The following GNA14 variants were observed in gnomAD, a reference collection of about 807,000 sequenced individuals.
GNA14 encodes the protein G protein subunit alpha 14.
GNA14 carries 50 observed loss-of-function variants against 42.0 expected under a neutral mutation model. The observed-to-expected ratio is 1.19, with a 90% CI of 0.95 to 1.51. GNA14 has a LOEUF of 1.51. Ranked by LOEUF, GNA14 falls within the 40% of genes most tolerant of loss-of-function variation. The pLI is 0.00. For missense variants in GNA14, 473 were observed against 446.2 expected, an observed-to-expected ratio of 1.06 and a Z score of -0.54; for synonymous variants, 173 against 163.1, an observed-to-expected ratio of 1.06 and a Z score of -0.46.
intron 1 of GNA14, among the ~76,000 whole-genome samples, chr9:77,558,353 G>C (rs1187510643): frequency 1.3e-5 from 2 of 152,128 alleles, no homozygotes; most frequent in African/African-American, 4.8e-5. Flanking sequence ...CAGTTACTAA[G>C]TTTAGATGGC....
intron 2 of GNA14, among the ~76,000 whole-genome samples, chr9:77,485,689 G>T (rs780349891): frequency 1.3e-5 from 2 of 152,038 alleles, no homozygotes; most frequent in Non-Finnish European, 2.9e-5. Context: ...ACAATGTTTT[G>T]TTAGCAACCA....
intron 1 of GNA14, among the ~76,000 whole-genome samples, chr9:77,540,343 A>C (rs772802069): frequency 6.6e-6 from 1 of 152,114 alleles, no homozygotes; most frequent in East Asian, 1.9e-4. Flanking sequence ...AAATAACAGT[A>C]TAATTTTGAT....
chr9:77,561,504 A>G (rs1822883213), intron 1 of GNA14, among the ~76,000 whole-genome samples: 1 of 152,244 alleles, frequency 6.6e-6, no homozygotes, highest in Non-Finnish European at 1.5e-5. Flanking sequence ...ATATACATAC[A>G]ATAGAATTTC....
intron 1 of GNA14, 61 bp downstream of exon 1, chr9:77,647,609 G>A: frequency 5.1e-6 from 8 of 1,561,950 alleles, no homozygotes; most frequent in Non-Finnish European, 6.9e-6. Context: ...CCAGTGGAGA[G>A]GCCGGGAGGG....
At chr9:77,595,487 G>A (rs770342619) in intron 1 of GNA14, among the ~76,000 whole-genome samples, 2 of 152,092 alleles carry the variant, frequency 1.3e-5, no homozygotes, top group African/African-American at 2.4e-5. Flanking sequence ...AGAGGAAACC[G>A]GAGGTTATTT....
chr9:77,457,074 G>A (rs1002999299), intron 2 of GNA14, among the ~76,000 whole-genome samples: 5 of 152,146 alleles, frequency 3.3e-5, no homozygotes, highest in Admixed American at 3.3e-4. Context: ...CAAGACCCAG[G>A]GTGCTTACTT....
chr9:77,618,044 A>G (rs1341872410), intron 1 of GNA14, among the ~76,000 whole-genome samples: 1 of 152,110 alleles, frequency 6.6e-6, no homozygotes, highest in African/African-American at 2.4e-5. Flanking sequence ...TAAAGACACC[A>G]TAAGACCAGG....
chr9:77,574,446 A>T (rs531777660), intron 1 of GNA14, among the ~76,000 whole-genome samples: 14 of 152,364 alleles, frequency 9.2e-5, no homozygotes, highest in African/African-American at 2.6e-4. Context: ...TACAGACAGT[A>T]GTTTATAGCT....
intron 2 of GNA14, among the ~76,000 whole-genome samples, chr9:77,482,114 C>T (rs1836564792): frequency 6.6e-6 from 1 of 152,146 alleles, no homozygotes; most frequent in African/African-American, 2.4e-5. Flanking sequence ...GGTTATTTTG[C>T]TCATTAGTTG....
intron 2 of GNA14, among the ~76,000 whole-genome samples, chr9:77,515,872 A>T (rs1837246203): frequency 6.9e-6 from 1 of 144,046 alleles, no homozygotes; most frequent in African/African-American, 2.6e-5. Flanking sequence ...AAGTGGGAGG[A>T]TTGCTTAAGC....
At chr9:77,532,157 G>A (rs1182100248) in intron 1 of GNA14, among the ~76,000 whole-genome samples, 1 of 152,088 alleles carries the variant, frequency 6.6e-6, no homozygotes, top group African/African-American at 2.4e-5. Context: ...AAATCAGAAA[G>A]ATTAAATTGG....
Position 77,609,280 on chromosome 9 carries a change from T to C in GNA14, c.124+38390A>G, listed in dbSNP as rs145236731. ...CAGTTTCCTCCAGTTTCTAATAACC[T>C]GTTTCTCATTTCCTTCTGAGACCTC... On this transcript the variant is annotated intron_variant, in intron 1 of 6. Transcript: ENST00000341700. 3.3e-5 allele frequency among the ~76,000 whole-genome samples: 5 copies of C among 152,338 alleles called. No individual in the cohort carries two copies. In the East Asian group the frequency reaches 9.6e-4, roughly 29 times the overall value.
chr9:77,610,763 A>G (rs910755414), intron 1 of GNA14, among the ~76,000 whole-genome samples: 3 of 152,186 alleles, frequency 2.0e-5, no homozygotes, highest in Non-Finnish European at 2.9e-5. Flanking sequence ...AATATTACAG[A>G]CTAGAACAGA....
intron 1 of GNA14, among the ~76,000 whole-genome samples, chr9:77,609,217 A>G (rs1441539045): frequency 6.6e-6 from 1 of 152,268 alleles, no homozygotes; most frequent in East Asian, 1.9e-4. Flanking sequence ...ACACAAACAC[A>G]ATGCAATCTA....
chr9:77,520,437 C>T (rs190794496), intron 2 of GNA14, among the ~76,000 whole-genome samples: 183 of 152,314 alleles, frequency 1.2e-3, no homozygotes, highest in African/African-American at 4.2e-3. Flanking sequence ...TGAAGGACTT[C>T]GGATCTAACG....
chr9:77,429,301 A>AAG (rs1835506896), intron 4 of GNA14, among the ~76,000 whole-genome samples: 1 of 152,116 alleles, frequency 6.6e-6, no homozygotes, highest in Non-Finnish European at 1.5e-5. Flanking sequence ...GCCGGTTAGG[A>AAG]AGCTAACCAG....
intron 2 of GNA14, among the ~76,000 whole-genome samples, chr9:77,492,877 T>G (rs555321013): frequency 1.3e-3 from 201 of 151,292 alleles, no homozygotes; most frequent in Middle Eastern, 3.4e-3. Flanking sequence ...GGCAGACACC[T>G]GTAATCCCAG....
At chr9:77,526,079 T>TG (rs1837432881) in intron 2 of GNA14, among the ~76,000 whole-genome samples, 1 of 148,316 alleles carries the variant, frequency 6.7e-6, no homozygotes, top group Non-Finnish European at 1.5e-5. Flanking sequence ...TTTTTGTATT[T>TG]TTTTTTTTTT....
At chr9:77,436,975 C>T (rs570514088) in intron 2 of GNA14, among the ~76,000 whole-genome samples, 1 of 152,304 alleles carries the variant, frequency 6.6e-6, no homozygotes, top group South Asian at 2.1e-4. Flanking sequence ...TCAGGGCCTC[C>T]TCTCAGAGGA....
Sources: gnomAD v4.1 joint callset for allele counts (sites outside exome capture counted in the v4.1 genomes callset) on GRCh38, gnomAD v4.1.1 for gene constraint, MANE v1.5 for transcripts, NCBI Gene and HGNC (gene_info 2026-07-23, HGNC 2026-07-21) for gene names.